Variants in GRAMD1B observed in about 807,000 individuals in gnomAD.
GRAMD1B encodes the protein GRAM domain containing 1B.
GRAMD1B carries 37 observed loss-of-function variants against 99.7 expected under a neutral mutation model. The observed-to-expected ratio is 0.37, with a 90% CI of 0.29 to 0.49. The LOEUF is 0.49. Ranked by LOEUF, GRAMD1B falls within the 20% of genes least tolerant of loss-of-function variation. GRAMD1B has a pLI of 0.98. For missense variants in GRAMD1B, 888 were observed against 1,009.2 expected (o/e 0.88, Z 1.63); for synonymous variants, 427 against 387.6 (o/e 1.10, Z -1.19).
intron 1 of GRAMD1B, among the ~76,000 whole-genome samples, chr11:123,463,725 G>A (rs892013829): frequency 1.3e-5 from 2 of 152,174 alleles, no homozygotes; most frequent in Admixed American, 6.5e-5. Context: ...GTGACACAGC[G>A]CCCAATAGGC....
At chr11:123,520,886 C>G (rs920734487) in intron 2 of GRAMD1B, among the ~76,000 whole-genome samples, 3 of 151,966 alleles carry the variant, frequency 2.0e-5, no homozygotes, top group Admixed American at 2.0e-4. Context: ...AGGAGTACCT[C>G]TCACCTGTTC....
intron 2 of GRAMD1B, among the ~76,000 whole-genome samples, chr11:123,500,933 C>T (rs1379425914): frequency 1.3e-5 from 2 of 152,152 alleles, no homozygotes; most frequent in Non-Finnish European, 2.9e-5. Flanking sequence ...CTTGGCCTCC[C>T]AAAGTGCTGG....
At chr11:123,580,847 A>G (rs993054747) in intron 3 of GRAMD1B, among the ~76,000 whole-genome samples, 1 of 142,880 alleles carries the variant, frequency 7.0e-6, no homozygotes, top group Non-Finnish European at 1.5e-5. Context: ...ACACCTCCCC[A>G]CCGCGGTGCG....
intron 1 of GRAMD1B, among the ~76,000 whole-genome samples, chr11:123,439,812 C>T (rs1949326283): frequency 6.6e-6 from 1 of 152,166 alleles, no homozygotes; most frequent in Non-Finnish European, 1.5e-5. Flanking sequence ...TCACTGTGGT[C>T]AAGCCTGTTC....
At chr11:123,378,465 C>T (rs1004447255) in intron 1 of GRAMD1B, among the ~76,000 whole-genome samples, 1 of 152,170 alleles carries the variant, frequency 6.6e-6, no homozygotes, top group African/African-American at 2.4e-5. Context: ...ATATGATTTG[C>T]AAAACTTCTC....
At chr11:123,536,130 G>A (rs971280039) in intron 2 of GRAMD1B, among the ~76,000 whole-genome samples, 3 of 152,134 alleles carry the variant, frequency 2.0e-5, no homozygotes. Flanking sequence ...GTAAAATGTG[G>A]TTGTCCAGGC....
intron 1 of GRAMD1B, among the ~76,000 whole-genome samples, chr11:123,422,903 TTA>T (rs1230694765): frequency 1.3e-5 from 2 of 151,374 alleles, no homozygotes; most frequent in South Asian, 2.1e-4. Context: ...TGAAGTAAAT[TTA>T]CCAAATTGTA....
chr11:123,535,743 T>A (rs1943903223), intron 2 of GRAMD1B, among the ~76,000 whole-genome samples: 1 of 152,206 alleles, frequency 6.6e-6, no homozygotes, highest in Admixed American at 6.5e-5. Flanking sequence ...AAGATGAACA[T>A]TGTCTGTTCA....
intron 1 of GRAMD1B, among the ~76,000 whole-genome samples, chr11:123,403,489 TAA>T (rs1947745638): frequency 6.9e-6 from 1 of 144,904 alleles, no homozygotes; most frequent in Non-Finnish European, 1.5e-5. Flanking sequence ...ATAATAATAA[TAA>T]TTTCGTCTCT....
chr11:123,417,420 A>G (rs1948268491), intron 1 of GRAMD1B, among the ~76,000 whole-genome samples: 1 of 152,236 alleles, frequency 6.6e-6, no homozygotes, highest in African/African-American at 2.4e-5. Flanking sequence ...GTACAGGCAC[A>G]TGCAATCATT....
intron 2 of GRAMD1B, among the ~76,000 whole-genome samples, chr11:123,515,272 G>T (rs55995623): frequency 1.3e-5 from 2 of 152,102 alleles, no homozygotes; most frequent in South Asian, 2.1e-4. Flanking sequence ...TGAACTGCCC[G>T]TGAGATATCT....
chr11:123,608,499 A>G, intron 11 of GRAMD1B, 160 bp from the exon 12 acceptor site: 2 of 1,536,798 alleles, frequency 1.3e-6, no homozygotes, highest in Non-Finnish European at 8.7e-7. Flanking sequence ...AAAGTCATAA[A>G]CCATGCCCAC....
intron 2 of GRAMD1B, among the ~76,000 whole-genome samples, chr11:123,559,451 G>C (rs1033213743): frequency 6.6e-6 from 1 of 152,138 alleles, no homozygotes; most frequent in African/African-American, 2.4e-5. Context: ...TCAGTATTTA[G>C]GTGATTGTGG....
chr11:123,601,341 C>T (rs188946602), intron 8 of GRAMD1B, among the ~76,000 whole-genome samples: 95 of 151,744 alleles, frequency 6.3e-4, no homozygotes, highest in South Asian at 5.0e-3. Context: ...GCTGTGATTG[C>T]GCCACTGCAT....
rs2136490381 is a variant in GRAMD1B at position 123,591,448 on chromosome 11, G to A, written c.685-2634G>A. ...TCTGGAGCCTTCTGCTGGAGCAGGAGAGCCAGCTGCTGCAGTGGTACCTGA... is the reference window on the plus strand; with the variant it reads ...TCTGGAGCCTTCTGCTGGAGCAGGAAAGCCAGCTGCTGCAGTGGTACCTGA... On this transcript the variant is annotated intron_variant, in intron 4 of 19. Transcript: ENST00000635736. This position sits in a 1 kb window ranked among gnomAD's most constrained non-coding sequence, Gnocchi z 4.7. 2 of 399,056 alleles carry A rather than the reference G, an allele frequency of 5.0e-6. No individual in the cohort carries two copies. Among genetic ancestry groups the A allele is most frequent in the Non-Finnish European group, 8.8e-6 (2 of 226,076 alleles). 24.7% of individuals were successfully genotyped at this position (399,056 alleles called of 1,614,324 possible). A position where few individuals can be genotyped will look rare whatever the true frequency, so the allele number is the denominator to read the frequency against.
rs1943858670 is a variant in GRAMD1B, at chr11:123,535,357, C to G, written c.453-42010C>G. Among the ~76,000 whole-genome samples, 3 of 151,914 alleles carry G rather than the reference C, an allele frequency of 2.0e-5. No individual in the cohort carries two copies. The South Asian group carries it at 6.2e-4, about 32-fold the overall frequency. ...CTCAAACAGGTCTTAAATAACTAGCCCAAGACCATATAATAAATGGCAGAA... is the reference window on the plus strand; with the variant it reads ...CTCAAACAGGTCTTAAATAACTAGCGCAAGACCATATAATAAATGGCAGAA... On this transcript the variant is annotated intron_variant, in intron 2 of 19. Transcript: ENST00000635736.
intron 1 of GRAMD1B, among the ~76,000 whole-genome samples, chr11:123,457,537 G>A (rs1445479355): frequency 6.6e-6 from 1 of 152,166 alleles, no homozygotes; most frequent in East Asian, 1.9e-4. Flanking sequence ...GGGCCTATGT[G>A]ATTGTCTAGC....
chr11:123,560,483 A>C, intron 2 of GRAMD1B: 1 of 1,224,572 alleles, frequency 8.2e-7, no homozygotes, highest in Non-Finnish European at 1.0e-6. Context: ...CCCTGGCCCG[A>C]GTCCCCTCCC....
At chr11:123,485,478 C>T (rs1487576214) in intron 2 of GRAMD1B, among the ~76,000 whole-genome samples, 1 of 152,074 alleles carries the variant, frequency 6.6e-6, no homozygotes, top group African/African-American at 2.4e-5. Flanking sequence ...GACGCTCTGT[C>T]CTGAAGGAAA....
Sources: allele counts gnomAD v4.1 joint callset (sites outside exome capture counted in the v4.1 genomes callset), GRCh38; gene constraint gnomAD v4.1.1; non-coding constraint Gnocchi (gnomAD v3.1); transcripts MANE v1.5; gene names NCBI Gene and HGNC (gene_info 2026-07-23, HGNC 2026-07-21).